VCAN: variants seen among roughly 807,000 people sequenced by gnomAD.
The protein encoded by VCAN is versican.
In VCAN, 44 loss-of-function variants were observed where a neutral mutation model predicts 245.5. The observed-to-expected ratio is 0.18, with a 90% confidence interval of 0.14 to 0.23. VCAN has a LOEUF of 0.23. VCAN is among the 10% of genes least tolerant of loss of function. The probability of loss-of-function intolerance (pLI) is 1.00; values close to 1 mark genes in which losing one functional copy is unlikely to be tolerated. For synonymous variants in VCAN, 1,413 were observed against 1,437.0 expected, an observed-to-expected ratio of 0.98 and a Z score of 0.38; for missense variants, 3,793 against 4,057.9, an observed-to-expected ratio of 0.93 and a Z score of 1.77.
chr5:83,548,999 T>G (rs1308997847), intron 10 of VCAN, among the ~76,000 whole-genome samples: 2 of 152,152 alleles, frequency 1.3e-5, no homozygotes, highest in Non-Finnish European at 2.9e-5. Flanking sequence ...AGGTGTTGGT[T>G]TTTTTCTTTT....
intron 6 of VCAN, among the ~76,000 whole-genome samples, chr5:83,513,635 T>C (rs1745744775): frequency 6.6e-6 from 1 of 152,200 alleles, no homozygotes; most frequent in Non-Finnish European, 1.5e-5. Context: ...CTGTAGAAAA[T>C]GCTGGCTTTT....
In VCAN at chr5:83,540,529, C is replaced by T. The variant is rs1746931256; in HGVS notation, c.7526C>T (p.Thr2509Ile). 6.2e-7 allele frequency: 1 copy of T among 1,613,932 alleles called. No homozygotes were observed. Among genetic ancestry groups the T allele is most frequent in the Non-Finnish European group, 8.5e-7 (1 of 1,179,916 alleles). The change falls in exon 8 of 15, where the codon ACA (threonine) becomes ATA (isoleucine). Residue 2509 changes from threonine to isoleucine, a missense_variant. Physicochemically the swap from Thr to Ile is moderately conservative, Grantham distance 89. Transcript: ENST00000265077. ...GATCCAACTAGCACACTGTCAAATA[C>T]AGTGTCATATGAGAGGTCCACAGAC... ...SPDPTSTLSNTVSYERSTDGS... is the reference protein window; with the variant it reads ...SPDPTSTLSNIVSYERSTDGS...
chr5:83,490,056 G>GT, intron 2 of VCAN, 42 bp from the exon 3 acceptor site: 1 of 1,611,766 alleles, frequency 6.2e-7, no homozygotes, highest in Non-Finnish European at 8.5e-7. Flanking sequence ...TTAAGTTTGG[G>GT]TTTTTTAAGA....
intron 7 of VCAN, among the ~76,000 whole-genome samples, chr5:83,523,515 C>T (rs893504087): frequency 6.6e-6 from 1 of 151,382 alleles, no homozygotes; most frequent in Admixed American, 6.6e-5. Flanking sequence ...CTCAGGAGTG[C>T]ACCTATTGGA....
intron 7 of VCAN, among the ~76,000 whole-genome samples, chr5:83,526,230 G>A (rs112044877): frequency 0.052 from 7,931 of 152,154 alleles, 379 homozygotes; most frequent in East Asian, 0.13. Context: ...GAGCCACTGC[G>A]CCCAGCCAAG....
intron 5 of VCAN, among the ~76,000 whole-genome samples, chr5:83,511,495 A>AT (rs1745656048): frequency 6.6e-6 from 1 of 151,902 alleles, no homozygotes; most frequent in Non-Finnish European, 1.5e-5. Flanking sequence ...CCTGTGCCTG[A>AT]TACGGGAAGG....
At chr5:83,481,895 G>A (rs1744626627) in intron 1 of VCAN, among the ~76,000 whole-genome samples, 1 of 152,120 alleles carries the variant, frequency 6.6e-6, no homozygotes, top group African/African-American at 2.4e-5. Context: ...GATCAGTTTT[G>A]TAATTTATGA....
intron 10 of VCAN, among the ~76,000 whole-genome samples, chr5:83,551,473 C>T (rs1463947843): frequency 6.6e-6 from 1 of 151,868 alleles, no homozygotes; most frequent in Admixed American, 6.6e-5. Flanking sequence ...GATCATGCCA[C>T]TGCACTCCAG....
chr5:83,490,135 C>A lies in VCAN; in HGVS notation c.108C>A (p.Leu36=). Residue 36 remains leucine (L), a synonymous_variant, in exon 3 of 15, where the codon CTC becomes CTA. Coordinates refer to ENST00000265077, the MANE Select transcript of VCAN (RefSeq NM_004385.5). ...VGKSPPVRGS[L]SGKVSLPCHF... is the part of the protein sequence containing the mutation. ...AAAGCCCACCGGTGAGGGGCTCCCT[C>A]TCTGGAAAAGTCAGCCTACCTTGTC... 1.9e-6 allele frequency: 3 copies of A among 1,614,142 alleles called. No individual in the cohort carries two copies. The highest frequency in any genetic ancestry group is 2.5e-6 in the Non-Finnish European group (3 of 1,180,016).
Position 83,512,285 on chromosome 5 carries a change from G to T in VCAN, c.931G>T (p.Ala311Ser), listed in dbSNP as rs1244063061. The change falls in exon 6 of 15, where the codon GCC (alanine) becomes TCC (serine). Residue 311 changes from alanine (A) to serine (S), a missense_variant. Physicochemically the swap from Ala to Ser is moderately conservative, Grantham distance 99. This residue lies in a region of VCAN where 190 missense variants were observed against 288.6 expected (regional missense o/e 0.66). Coordinates refer to ENST00000265077, the MANE Select transcript of VCAN (RefSeq NM_004385.5). Reference sequence around the variant, plus strand: ...CAGCGTGCGCCACCCTGTGACTGTGGCCAGGGCCCAGTGTGGAGGTGGTCT... The same window carrying T: ...CAGCGTGCGCCACCCTGTGACTGTGTCCAGGGCCCAGTGTGGAGGTGGTCT... ...DASVRHPVTV[A>S]RAQCGGGLLG... The T allele has an allele frequency of 2.5e-6, 4 of 1,614,154 alleles. No individual in the cohort carries two copies. In the South Asian group the frequency reaches 4.4e-5, roughly 18 times the overall value.
chr5:83,474,494 G>C (rs1425080258), intron 1 of VCAN, among the ~76,000 whole-genome samples: 1 of 152,212 alleles, frequency 6.6e-6, no homozygotes, highest in Non-Finnish European at 1.5e-5. Context: ...CCGCCCAAAG[G>C]GGCTGGGTCT....
Position 83,539,113 on chromosome 5 carries a change from C to T in VCAN, c.6110C>T (p.Ala2037Val). The change falls in exon 8 of 15, where the codon GCT (alanine) becomes GTT (valine). Residue 2037 changes from alanine to valine, a missense_variant. Around this residue, in one of 5 missense-constraint regions of VCAN, gnomAD observed 3,182 missense variants for 3,250.3 expected, o/e 0.98. Transcript: ENST00000265077. ...GCTGTGCAAAAGTTTTCTGGTACAG[C>T]TTCCTCCATTATCGACGAAGGATTG... Reference protein sequence around the residue: ...PSAVQKFSGTASSIIDEGLGE... With the variant: ...PSAVQKFSGTVSSIIDEGLGE... The T allele has an allele frequency of 6.2e-7, 1 of 1,614,006 alleles. No individual in the cohort carries two copies. The highest frequency in any genetic ancestry group is 8.5e-7 in the Non-Finnish European group (1 of 1,179,976).
chr5:83,580,000 G>T lies in VCAN; in HGVS notation c.9901G>T (p.Val3301Phe), dbSNP rs141523318. ...TTTAGTCGCTTGCGGCCAGCCCCCT[G>T]TTGTAGAAAATGCCAAGACCTTTGG... ...KGTVACGQPP[V>F]VENAKTFGKM... The change falls in exon 14 of 15, where the codon GTT becomes TTT. Residue 3301 changes from valine to phenylalanine, a missense_variant. Physicochemically the swap from Val to Phe is conservative, Grantham distance 50 (BLOSUM62 -1). Transcript: ENST00000265077. 5.0e-6 allele frequency: 8 copies of T among 1,614,052 alleles called. No individual in the cohort carries two copies. The highest frequency in any genetic ancestry group is 5.9e-6 in the Non-Finnish European group (7 of 1,179,990).
chr5:83,524,729 T>G (rs925898477), intron 7 of VCAN, among the ~76,000 whole-genome samples: 1 of 152,174 alleles, frequency 6.6e-6, no homozygotes. Context: ...TGAGAAATTT[T>G]ATCCTCCAAC....
At chr5:83,514,443 T>TGG (rs940987177) in intron 6 of VCAN, among the ~76,000 whole-genome samples, 8 of 151,274 alleles carry the variant, frequency 5.3e-5, no homozygotes, top group Middle Eastern at 3.4e-3. Flanking sequence ...TGTGTGTGTG[T>TGG]GTGTGTGTAT....
At chr5:83,559,487 A>T (rs544522560) in intron 12 of VCAN, among the ~76,000 whole-genome samples, 3 of 152,136 alleles carry the variant, frequency 2.0e-5, no homozygotes, top group Non-Finnish European at 4.4e-5. Context: ...GGAATAAGCC[A>T]TGGGTTCTCA....
chr5:83,575,684 C>T (rs887557322), intron 13 of VCAN, among the ~76,000 whole-genome samples: 4 of 152,142 alleles, frequency 2.6e-5, no homozygotes, highest in African/African-American at 9.7e-5. Flanking sequence ...CCTTTACATC[C>T]TTTCTGCATT....
intron 5 of VCAN, among the ~76,000 whole-genome samples, chr5:83,507,058 C>T (rs1272473939): frequency 6.6e-6 from 1 of 152,166 alleles, no homozygotes. Context: ...ACAGCCAAAT[C>T]ATATCACTTG....
chr5:83,521,508 G>A lies in VCAN; in HGVS notation c.3202G>A (p.Gly1068Ser), dbSNP rs1231605869. ...AGTAACACCACTGGATGAACAAGAG[G>A]GCGATGGATCAGCATATACAGTCTC... Reference protein sequence around the residue: ...EAVTPLDEQEGDGSAYTVSED... With the variant: ...EAVTPLDEQESDGSAYTVSED... The change falls in exon 7 of 15, where the codon GGC becomes AGC. Residue 1068 changes from glycine (G) to serine (S), a missense_variant. By Grantham distance (56) the Gly-to-Ser change is moderately conservative. Transcript: ENST00000265077. 9.3e-6 allele frequency: 15 copies of A among 1,613,886 alleles called. No individual in the cohort carries two copies. The highest frequency in any genetic ancestry group is 1.7e-5 in the Admixed American group (1 of 60,002).
Sources: allele counts gnomAD v4.1 joint callset (sites outside exome capture counted in the v4.1 genomes callset), GRCh38; gene constraint gnomAD v4.1.1; regional missense constraint gnomAD v4.1.1; transcripts MANE v1.5; gene names NCBI Gene and HGNC (gene_info 2026-07-23, HGNC 2026-07-21).